The following AFAP1 variants were observed in gnomAD, a reference collection of about 807,000 sequenced individuals.
The protein encoded by AFAP1 is actin filament-associated protein 1.
AFAP1 carries 75 observed loss-of-function variants against 93.9 expected under a neutral mutation model. The observed-to-expected ratio is 0.80, with a 90% confidence interval of 0.66 to 0.97. The LOEUF (loss-of-function observed/expected upper bound fraction) is 0.97. Ranked by LOEUF, AFAP1 falls within the 50% of genes least tolerant of loss-of-function variation. The pLI is 0.00. For synonymous variants in AFAP1, 517 were observed against 430.7 expected (o/e 1.20, Z -2.48); for missense variants, 1,201 against 1,050.8 (o/e 1.14, Z -1.98).
At chr4:7,840,564 A>G (rs1712893229) in intron 5 of AFAP1, among the ~76,000 whole-genome samples, 1 of 152,126 alleles carries the variant, frequency 6.6e-6, no homozygotes, top group Non-Finnish European at 1.5e-5. Context: ...CGCCCGCCTC[A>G]GCCTCCCAAA....
Position 7,841,271 on chromosome 4 carries a change from C to T in AFAP1, c.546+1868G>A, listed in dbSNP as rs558744452. On this transcript the variant is annotated intron_variant, in intron 5 of 17. Transcript: ENST00000420658. The stretch of plus-strand genomic sequence containing the variant: ...CTGGGGCTGGAAGGCCCCATCACAG[C>T]TGCCCAGTGAGTCTGGGTCTATACC... 2.0e-5 allele frequency among the ~76,000 whole-genome samples: 3 copies of T among 150,486 alleles called. No homozygotes were observed. In the South Asian group the frequency reaches 6.3e-4, roughly 32 times the overall value.
chr4:7,834,892 G>A (rs948008235), intron 6 of AFAP1, among the ~76,000 whole-genome samples: 2 of 151,726 alleles, frequency 1.3e-5, no homozygotes, highest in African/African-American at 2.4e-5. Flanking sequence ...TTACCTGGGT[G>A]GCTCTTGAAT....
At chr4:7,864,917 G>A (rs528542044) in intron 3 of AFAP1, among the ~76,000 whole-genome samples, 1 of 152,206 alleles carries the variant, frequency 6.6e-6, no homozygotes, top group Non-Finnish European at 1.5e-5. Flanking sequence ...GTTCAAGGCT[G>A]CAGTGAGCTA....
chr4:7,798,998 C>T, intron 10 of AFAP1: 1 of 979,326 alleles, frequency 1.0e-6, no homozygotes, highest in Non-Finnish European at 1.2e-6. Flanking sequence ...AGTACAGTTT[C>T]TTTATTTAAG....
In AFAP1 at chr4:7,774,937, A is replaced by G. The variant is rs373419658; in HGVS notation, c.1898-34T>C. ...GAAAAAAAAGCAGCAATTAAAAATTAGGTTTACTAGCCTGGGAAATATGGG... is the reference window on the plus strand; with the variant it reads ...GAAAAAAAAGCAGCAATTAAAAATTGGGTTTACTAGCCTGGGAAATATGGG... On this transcript the variant is annotated intron_variant, in intron 14 of 17. Transcript: ENST00000420658. 60 of 1,598,232 alleles carry G rather than the reference A, an allele frequency of 3.8e-5. No homozygotes were observed. In the African/African-American group the frequency reaches 6.0e-4, roughly 16 times the overall value.
rs1249031756 is a variant in AFAP1, at chr4:7,872,026, T to G, written c.53A>C (p.Glu18Ala). 1 of 1,613,990 alleles carries G rather than the reference T, an allele frequency of 6.2e-7. No individual in the cohort carries two copies. Among genetic ancestry groups the G allele is most frequent in the Non-Finnish European group, 8.5e-7 (1 of 1,180,010 alleles). Residue 18 changes from glutamate to alanine, a missense_variant, in exon 2 of 18, where the codon GAA (glutamate) becomes GCA (alanine). Physicochemically the swap from Glu to Ala is moderately radical, Grantham distance 107. Transcript: ENST00000420658. The part of the protein sequence containing the change: ...LRLFLELLDH[E>A]YLTSTVREKK... ...CTCCCTGACAGTTGAGGTTAGATATTCATGGTCCAGGAGTTCAAGAAAGAG... is the reference window on the plus strand; with the variant it reads ...CTCCCTGACAGTTGAGGTTAGATATGCATGGTCCAGGAGTTCAAGAAAGAG...
At chr4:7,846,427 G>A (rs1224231899) in intron 4 of AFAP1, among the ~76,000 whole-genome samples, 1 of 152,180 alleles carries the variant, frequency 6.6e-6, no homozygotes, top group Non-Finnish European at 1.5e-5. Flanking sequence ...CGCGTGCTGT[G>A]CTACGATCCA....
intron 11 of AFAP1, among the ~76,000 whole-genome samples, chr4:7,793,104 TCA>T (rs986068397): frequency 1.3e-5 from 2 of 152,154 alleles, no homozygotes; most frequent in African/African-American, 2.4e-5. Flanking sequence ...TATTCTGCCA[TCA>T]TTATGTTAAA....
intron 3 of AFAP1, among the ~76,000 whole-genome samples, chr4:7,856,345 C>T (rs1447938787): frequency 6.6e-6 from 1 of 152,048 alleles, no homozygotes; most frequent in African/African-American, 2.4e-5. Flanking sequence ...TGGGTTCATG[C>T]CATTCTCCTG....
chr4:7,773,113 G>A (rs1253416484), intron 15 of AFAP1, 103 bp from the exon 16 acceptor site: 2 of 1,466,268 alleles, frequency 1.4e-6, no homozygotes, highest in African/African-American at 2.8e-5. Context: ...AAACGTCTGA[G>A]GTCGAGCTCC....
chr4:7,817,406 G>T (rs138381590), intron 7 of AFAP1, among the ~76,000 whole-genome samples: 1,677 of 152,264 alleles, frequency 0.011, 22 homozygotes, highest in African/African-American at 0.037. Context: ...TTCGAGACCA[G>T]CCTGACCAAC....
At chr4:7,902,512 T>C (rs1386741084) in intron 1 of AFAP1, among the ~76,000 whole-genome samples, 2 of 152,176 alleles carry the variant, frequency 1.3e-5, no homozygotes, top group Non-Finnish European at 2.9e-5. Context: ...TTGATTTTTT[T>C]CCCCTTGTTC....
intron 3 of AFAP1, among the ~76,000 whole-genome samples, chr4:7,863,725 T>C (rs1250069273): frequency 6.6e-6 from 1 of 152,160 alleles, no homozygotes; most frequent in Admixed American, 6.5e-5. Context: ...AATAAAGGTA[T>C]GAAGCACTAT....
In AFAP1 at chr4:7,809,645, G is replaced by C. The variant is rs191558988; in HGVS notation, c.1023C>G (p.Thr341=). 25 of 1,613,886 alleles carry C rather than the reference G, an allele frequency of 1.5e-5. No homozygotes were observed. The Admixed American group carries it at 2.7e-4, about 17-fold the overall frequency. Residue 341 remains threonine, a synonymous_variant, in exon 9 of 18, where the codon ACC becomes ACG. Transcript: ENST00000420658. The part of the protein sequence containing the change: ...GKKKPSTDEQ[T]SSAEEDVPTC... ...TGGGAACATCTTCCTCAGCTGAGGA[G>C]GTCTGCTCGTCTGTGGACGGCTTTT...
intron 7 of AFAP1, 106 bp from the exon 8 acceptor site, chr4:7,816,205 C>A (rs1287304902): frequency 3.2e-6 from 3 of 923,860 alleles, no homozygotes; most frequent in Non-Finnish European, 5.0e-6. Flanking sequence ...AAACACAGGC[C>A]AAATTCATAG....
intron 3 of AFAP1, among the ~76,000 whole-genome samples, chr4:7,858,896 C>T (rs1044222949): frequency 6.6e-6 from 1 of 152,190 alleles, no homozygotes; most frequent in Admixed American, 6.5e-5. Flanking sequence ...TTCCAAAATT[C>T]CATTGAGAGC....
chr4:7,875,587 C>A (rs2149190157), intron 1 of AFAP1, among the ~76,000 whole-genome samples: 1 of 150,720 alleles, frequency 6.6e-6, no homozygotes, highest in Admixed American at 6.6e-5. Context: ...TCAATGCACT[C>A]CAGCCTGGGT....
intron 14 of AFAP1, chr4:7,778,391 T>A (rs996362022): frequency 9.2e-6 from 3 of 327,502 alleles, no homozygotes; most frequent in Admixed American, 9.3e-5. Flanking sequence ...CAGATAAAGA[T>A]GCTGAGTTTA....
At chr4:7,889,749 C>T (rs1577337330) in intron 1 of AFAP1, among the ~76,000 whole-genome samples, 1 of 147,570 alleles carries the variant, frequency 6.8e-6, no homozygotes, top group Non-Finnish European at 1.5e-5. Flanking sequence ...AAAAAGCAAC[C>T]TAGTACCACT....
Sources: allele counts gnomAD v4.1 joint callset (sites outside exome capture counted in the v4.1 genomes callset), GRCh38; gene constraint gnomAD v4.1.1; transcripts MANE v1.5; gene names NCBI Gene and HGNC (gene_info 2026-07-23, HGNC 2026-07-21).